The following VGLL4 variants were observed in gnomAD, a reference collection of about 807,000 sequenced individuals.
VGLL4 encodes the protein transcription cofactor vestigial-like protein 4.
In VGLL4, 7 loss-of-function variants were observed where a neutral mutation model predicts 21.0. The ratio of observed to expected loss-of-function variants is 0.33; its 90% CI spans 0.19 to 0.63. The LOEUF is 0.63. Ranked by LOEUF, VGLL4 falls within the 20% of genes least tolerant of loss-of-function variation. The probability of loss-of-function intolerance (pLI) is 0.78; values close to 1 mark genes in which losing one functional copy is unlikely to be tolerated. For synonymous variants in VGLL4, 222 were observed against 173.2 expected, an observed-to-expected ratio of 1.28 and a Z score of -2.21; for missense variants, 394 against 425.7, an observed-to-expected ratio of 0.93 and a Z score of 0.66.
At position 11,600,235 on chromosome 3, in the gene VGLL4, T is replaced by G. The variant is rs138150480; in HGVS notation, c.272+1598A>C. ...TTGTCCAATGACAAGGATATCACTG[T>G]CAAGGATACTGGGCCCAGCTAAATT... On this transcript the variant is annotated intron_variant, in intron 2 of 4. Coordinates refer to ENST00000430365, the MANE Select transcript of VGLL4 (RefSeq NM_001128219.3). Among the ~76,000 whole-genome samples the G allele has an allele frequency of 2.1e-4, 32 of 152,260 alleles. 1 individual carries two copies. Among genetic ancestry groups the G allele is most frequent in the Admixed American group, 1.2e-3 (19 of 15,300 alleles).
intron 2 of VGLL4, among the ~76,000 whole-genome samples, chr3:11,691,280 G>A (rs1023012786): frequency 2.0e-5 from 3 of 150,422 alleles, no homozygotes; most frequent in Non-Finnish European, 4.4e-5. Flanking sequence ...GAGGACTATT[G>A]TCTCACTCAC....
chr3:11,565,999 G>A lies in VGLL4; in HGVS notation c.273-980C>T, dbSNP rs898512064. ...GAGCTGGTCATTTAAAGAAAAAGGT[G>A]GTGAATTATGATTTGAGTGAATTTT... On this transcript the variant is annotated intron_variant, in intron 2 of 4. Transcript: ENST00000430365. The surrounding 1 kb of genome is among the most constrained non-coding windows in gnomAD (Gnocchi z 4.1). Among the ~76,000 whole-genome samples, 4 of 152,114 alleles carry A rather than the reference G, an allele frequency of 2.6e-5. No homozygotes were observed. The highest frequency in any genetic ancestry group is 5.9e-5 in the Non-Finnish European group (4 of 68,032).
intron 1 of VGLL4, among the ~76,000 whole-genome samples, chr3:11,715,051 C>T (rs1046891736): frequency 3.3e-5 from 5 of 150,878 alleles, no homozygotes; most frequent in Admixed American, 2.0e-4. Context: ...AGGAGAATGG[C>T]GTGAACTCGG....
chr3:11,560,282 T>TG (rs2125104929), intron 3 of VGLL4, among the ~76,000 whole-genome samples: 1 of 152,282 alleles, frequency 6.6e-6, no homozygotes, highest in East Asian at 1.9e-4. Context: ...GTGTGGAACC[T>TG]GGGACAGAAA....
Position 11,558,454 on chromosome 3 carries a change from T to TGCCC in VGLL4, c.*101_*102insGGGC. On this transcript the variant is annotated 3_prime_UTR_variant, in exon 5 of 5. Transcript: ENST00000430365. ...TTTGCAAATAAACCATCCCTTCCCT[T>TGCCC]CCCCCCACCCCACCCCCATGATTTT... is the stretch of plus-strand genomic sequence containing the variant. 9.4e-7 allele frequency: 1 copy of TGCCC among 1,064,154 alleles called. No individual in the cohort carries two copies. The highest frequency in any genetic ancestry group is 1.3e-6 in the Non-Finnish European group (1 of 775,578). 65.9% of individuals were successfully genotyped at this position (1,064,154 alleles called of 1,614,324 possible). A position where few individuals can be genotyped will look rare whatever the true frequency, so the allele number is the denominator to read the frequency against.
intron 2 of VGLL4, among the ~76,000 whole-genome samples, chr3:11,594,856 T>C (rs1223048797): frequency 6.6e-6 from 1 of 152,184 alleles, no homozygotes; most frequent in African/African-American, 2.4e-5. Context: ...ATTTCCATGA[T>C]GTGTCATTGA....
intron 1 of VGLL4, among the ~76,000 whole-genome samples, chr3:11,615,785 G>T (rs1232933594): frequency 6.6e-6 from 1 of 152,140 alleles, no homozygotes; most frequent in African/African-American, 2.4e-5. Context: ...AAGTCCAACT[G>T]GGGACACATT....
intron 2 of VGLL4, among the ~76,000 whole-genome samples, chr3:11,678,492 C>T (rs750146681): frequency 2.1e-4 from 32 of 152,356 alleles, no homozygotes; most frequent in Non-Finnish European, 3.5e-4. Context: ...GAACGCCACT[C>T]GTGGCAGCAA....
At chr3:11,666,334 T>A (rs1032847700) in intron 2 of VGLL4, among the ~76,000 whole-genome samples, 3 of 151,868 alleles carry the variant, frequency 2.0e-5, no homozygotes, top group Non-Finnish European at 2.9e-5. Context: ...CAGCGTGACT[T>A]ACAGGTCATG....
At chr3:11,641,169 G>A (rs2075682194) in intron 1 of VGLL4, among the ~76,000 whole-genome samples, 1 of 150,300 alleles carries the variant, frequency 6.7e-6, no homozygotes, top group Admixed American at 6.6e-5. Flanking sequence ...TTAGAGTAGA[G>A]CTATGTCTCA....
At chr3:11,629,329 TAAG>T (rs1241873827) in intron 1 of VGLL4, among the ~76,000 whole-genome samples, 3 of 147,478 alleles carry the variant, frequency 2.0e-5, no homozygotes, top group South Asian at 2.2e-4. Context: ...AAGCAGACAA[TAAG>T]AAGAAATATT....
intron 2 of VGLL4, among the ~76,000 whole-genome samples, chr3:11,674,066 T>C (rs541260705): frequency 6.7e-6 from 1 of 149,238 alleles, no homozygotes; most frequent in East Asian, 2.0e-4. Context: ...CATTTCCCAT[T>C]GGTAACACAA....
At chr3:11,665,569 TG>T (rs2076109572) in intron 2 of VGLL4, among the ~76,000 whole-genome samples, 1 of 152,158 alleles carries the variant, frequency 6.6e-6, no homozygotes, top group South Asian at 2.1e-4. Flanking sequence ...TGAGCAGCTG[TG>T]GGGGAAGAGG....
intron 1 of VGLL4, among the ~76,000 whole-genome samples, chr3:11,625,648 C>T (rs561769623): frequency 6.6e-6 from 1 of 152,256 alleles, no homozygotes; most frequent in East Asian, 1.9e-4. Flanking sequence ...TTAGTGAAGG[C>T]AGCATTGTAG....
In VGLL4 at chr3:11,559,397, T is replaced by C. The variant is rs1392519468; in HGVS notation, c.554A>G (p.His185Arg). Residue 185 changes from histidine (H) to arginine (R), a missense_variant, in exon 4 of 5, where the codon CAC (histidine) becomes CGC (arginine). By Grantham distance (29) the His-to-Arg change is conservative. Coordinates refer to ENST00000430365, the MANE Select transcript of VGLL4 (RefSeq NM_001128219.3). ...SAGARNCNLSHCPIAHSGCAA... is the reference protein window; with the variant it reads ...SAGARNCNLSRCPIAHSGCAA... ...ACAGCCGCTGTGCGCGATGGGGCAG[T>C]GCGAGAGGTTGCAGTTGCGGGCGCC... The C allele has an allele frequency of 2.6e-6, 4 of 1,560,722 alleles. No homozygotes were observed. The highest frequency in any genetic ancestry group is 1.4e-5 in the African/African-American group (1 of 73,700).
intron 2 of VGLL4, among the ~76,000 whole-genome samples, chr3:11,584,338 AAAC>A (rs2074311858): frequency 7.7e-6 from 1 of 130,602 alleles, no homozygotes; most frequent in African/African-American, 2.7e-5. Flanking sequence ...TAGTAGCAGA[AAAC>A]AAACAAACAA....
At chr3:11,661,461 T>TTATC (rs1553740497) in intron 2 of VGLL4, among the ~76,000 whole-genome samples, 1 of 150,816 alleles carries the variant, frequency 6.6e-6, no homozygotes, top group Non-Finnish European at 1.5e-5. Flanking sequence ...ATTTATTTAT[T>TTATC]TATCTATTTA....
At chr3:11,646,863 T>C (rs745946579), upstream of VGLL4, among the ~76,000 whole-genome samples, 2 of 152,108 alleles carry the variant, frequency 1.3e-5, no homozygotes, top group Non-Finnish European at 1.5e-5. Flanking sequence ...CCAAGTGTGA[T>C]CCAGAGGGGT....
intron 2 of VGLL4, chr3:11,582,439 G>C (rs569623302): frequency 2.1e-6 from 3 of 1,443,816 alleles, no homozygotes; most frequent in Non-Finnish European, 1.9e-6. Flanking sequence ...GGAGGGTTGC[G>C]AGGTAAGGGG....
Sources: allele counts gnomAD v4.1 joint callset (sites outside exome capture counted in the v4.1 genomes callset), GRCh38; gene constraint gnomAD v4.1.1; non-coding constraint Gnocchi (gnomAD v3.1); transcripts MANE v1.5; gene names NCBI Gene and HGNC (gene_info 2026-07-23, HGNC 2026-07-21).